Variants in PXDNL observed in about 807,000 individuals in gnomAD.
PXDNL encodes peroxidasin like.
In PXDNL, 145 loss-of-function variants were observed where a neutral mutation model predicts 150.8. That is an observed-to-expected ratio of 0.96 (90% CI 0.84 to 1.10). The LOEUF (loss-of-function observed/expected upper bound fraction) is 1.10, where lower values mean the gene tolerates loss of function less well. Ranked by LOEUF, PXDNL falls within the 50% of genes least tolerant of loss-of-function variation. The pLI is 0.00. For missense variants in PXDNL, 2,087 were observed against 1,873.9 expected, an observed-to-expected ratio of 1.11 and a Z score of -2.10; for synonymous variants, 757 against 725.7, an observed-to-expected ratio of 1.04 and a Z score of -0.69.
intron 19 of PXDNL, among the ~76,000 whole-genome samples, chr8:51,366,163 C>T (rs1806912988): frequency 6.6e-6 from 1 of 152,210 alleles, no homozygotes; most frequent in African/African-American, 2.4e-5. Context: ...CCAAAGCTGC[C>T]TCCTTACATA....
At chr8:51,608,497 C>T (rs1455958307) in intron 2 of PXDNL, among the ~76,000 whole-genome samples, 1 of 148,370 alleles carries the variant, frequency 6.7e-6, no homozygotes, top group Admixed American at 6.6e-5. Context: ...TTCCAGGTTT[C>T]GTTTTTATTA....
intron 1 of PXDNL, among the ~76,000 whole-genome samples, chr8:51,789,561 C>T (rs560722392): frequency 6.6e-6 from 1 of 152,296 alleles, no homozygotes; most frequent in African/African-American, 2.4e-5. Flanking sequence ...TTCTTAGTGC[C>T]AGAAGAAAAC....
intron 1 of PXDNL, among the ~76,000 whole-genome samples, chr8:51,692,060 G>T (rs548138099): frequency 1.3e-5 from 2 of 152,246 alleles, no homozygotes; most frequent in Non-Finnish European, 2.9e-5. Context: ...CCCTGATTAA[G>T]GTCTGTAATA....
At chr8:51,577,988 A>T (rs1487375717) in intron 3 of PXDNL, among the ~76,000 whole-genome samples, 1 of 75,148 alleles carries the variant, frequency 1.3e-5, no homozygotes, top group Non-Finnish European at 2.8e-5. Context: ...AGAAAGAAAG[A>T]AAGAAAGAAA....
At chr8:51,732,495 C>T (rs1042787407) in intron 1 of PXDNL, among the ~76,000 whole-genome samples, 3 of 152,186 alleles carry the variant, frequency 2.0e-5, no homozygotes, top group African/African-American at 7.2e-5. Flanking sequence ...TCAAACTGTT[C>T]CAATCTCTGC....
chr8:51,704,440 T>C (rs1466528807), intron 1 of PXDNL, among the ~76,000 whole-genome samples: 2 of 152,242 alleles, frequency 1.3e-5, no homozygotes, highest in Admixed American at 6.5e-5. Context: ...ATGTCATTAG[T>C]AGTCTTGTTC....
chr8:51,339,431 T>A (rs1390697175), intron 21 of PXDNL, among the ~76,000 whole-genome samples, 193 bp downstream of exon 21: 1 of 151,956 alleles, frequency 6.6e-6, no homozygotes, highest in Non-Finnish European at 1.5e-5. Context: ...CTACATTCCA[T>A]CCGGCCGACA....
At chr8:51,744,965 A>G (rs1325304335) in intron 1 of PXDNL, among the ~76,000 whole-genome samples, 97,585 of 136,768 alleles carry the variant, frequency 0.71, 36,058 homozygotes, top group East Asian at 0.9. Flanking sequence ...AGAAAGAAAG[A>G]AAGAAAGAAA....
intron 1 of PXDNL, among the ~76,000 whole-genome samples, chr8:51,675,239 C>T (rs1815589033): frequency 6.6e-6 from 1 of 152,138 alleles, no homozygotes; most frequent in African/African-American, 2.4e-5. Flanking sequence ...GAGGTGGGGC[C>T]TTTAAGACAT....
At position 51,657,335 on chromosome 8, in the gene PXDNL, G is replaced by A. The variant is rs572004084; in HGVS notation, c.165-2575C>T. On this transcript the variant is annotated intron_variant, in intron 1 of 22. Transcript: ENST00000356297. ...TATAGGCAAATTTAAAATATTTTGT[G>A]CTTTTAAATTTACAAAAAAGCTATC... 1.1e-4 allele frequency among the ~76,000 whole-genome samples: 16 copies of A among 152,184 alleles called. No individual in the cohort carries two copies. In the East Asian group the frequency reaches 3.1e-3, roughly 29 times the overall value.
At chr8:51,690,386 G>A (rs112778312) in intron 1 of PXDNL, among the ~76,000 whole-genome samples, 1 of 151,942 alleles carries the variant, frequency 6.6e-6, no homozygotes, top group Non-Finnish European at 1.5e-5. Context: ...TGTTCTCATT[G>A]TTCAATTCCA....
chr8:51,465,935 T>C (rs973809147), intron 8 of PXDNL, among the ~76,000 whole-genome samples: 3 of 152,112 alleles, frequency 2.0e-5, no homozygotes, highest in Admixed American at 6.5e-5. Context: ...TGCTCATAAA[T>C]TGGAAGAATC....
chr8:51,390,997 T>C (rs929848412), intron 17 of PXDNL, among the ~76,000 whole-genome samples: 1 of 152,152 alleles, frequency 6.6e-6, no homozygotes, highest in African/African-American at 2.4e-5. Flanking sequence ...CATGCGGTGT[T>C]TGGTTTTTTG....
chr8:51,330,122 G>A (rs751602955), intron 21 of PXDNL, among the ~76,000 whole-genome samples: 5 of 152,160 alleles, frequency 3.3e-5, no homozygotes, highest in Non-Finnish European at 7.3e-5. Context: ...TACACTGGGA[G>A]GGGCACCTGC....
Position 51,760,845 on chromosome 8 carries a change from C to CTTTTTTTTTTTTTTTTG in PXDNL, c.164+48335_164+48336insCAAAAAAAAAAAAAAAA, listed in dbSNP as rs2037154911. 4.4e-5 allele frequency among the ~76,000 whole-genome samples: 2 copies of CTTTTTTTTTTTTTTTTG among 45,476 alleles called. 1 individual carries two copies. The highest frequency in any genetic ancestry group is 7.5e-5 in the Non-Finnish European group (2 of 26,652). The allele number at this position is 45,476 out of a possible 152,430, so 29.8% of individuals were successfully genotyped here. ...GTTAGCCTGAAGGAAATCACTTAAA[C>CTTTTTTTTTTTTTTTTG]TTTTTTTTTTTTTTTTTTTTTTTTT... On this transcript the variant is annotated intron_variant, in intron 1 of 22. Coordinates refer to ENST00000356297, the MANE Select transcript of PXDNL (RefSeq NM_144651.5).
intron 19 of PXDNL, among the ~76,000 whole-genome samples, chr8:51,369,165 A>G (rs1807015783): frequency 6.6e-6 from 1 of 152,156 alleles, no homozygotes; most frequent in African/African-American, 2.4e-5. Flanking sequence ...AGGTCCTTTA[A>G]TACACCTTCT....
intron 2 of PXDNL, among the ~76,000 whole-genome samples, chr8:51,617,028 G>A (rs963668440): frequency 1.4e-4 from 22 of 151,970 alleles, no homozygotes; most frequent in Non-Finnish European, 2.8e-4. Context: ...AGATTCAGAG[G>A]GCCAACTGTA....
In PXDNL at chr8:51,661,525, C is replaced by T. The variant is rs1181551568; in HGVS notation, c.165-6765G>A. On this transcript the variant is annotated intron_variant, in intron 1 of 22. Coordinates refer to ENST00000356297, the MANE Select transcript of PXDNL (RefSeq NM_144651.5). ...GGCCTTAAGAGGAAAGCCCCAGGTC[C>T]GCTGAGGAAGAGGGAAGCTGTCCTC... Among the ~76,000 whole-genome samples the T allele has an allele frequency of 3.9e-5, 6 of 152,318 alleles. No homozygotes were observed. In the East Asian group the frequency reaches 9.6e-4, roughly 24 times the overall value.
intron 1 of PXDNL, among the ~76,000 whole-genome samples, chr8:51,784,228 A>T (rs1328284047): frequency 6.6e-6 from 1 of 152,260 alleles, no homozygotes; most frequent in Admixed American, 6.5e-5. Flanking sequence ...TCTTGAAAAG[A>T]CATTTCAATA....
Sources: allele counts gnomAD v4.1 joint callset (sites outside exome capture counted in the v4.1 genomes callset), GRCh38; gene constraint gnomAD v4.1.1; transcripts MANE v1.5; gene names NCBI Gene and HGNC (gene_info 2026-07-23, HGNC 2026-07-21).